Variants in ANXA3 observed in about 807,000 individuals in gnomAD.
ANXA3 encodes the protein 35-alpha calcimedin.
Under a neutral mutation model 48.8 loss-of-function variants are expected in ANXA3, and 46 were observed. That is an observed-to-expected ratio of 0.94 (90% CI 0.74 to 1.21). The LOEUF (loss-of-function observed/expected upper bound fraction) is 1.21. ANXA3 is among the 50% of genes most tolerant of loss of function. ANXA3 has a pLI of 0.00. For missense variants in ANXA3, 383 were observed against 378.6 expected (o/e 1.01, Z -0.10); for synonymous variants, 128 against 134.7 (o/e 0.95, Z 0.35).
intron 11 of ANXA3, 86 bp downstream of exon 11, chr4:78,601,654 T>G (rs1723545621): frequency 8.9e-7 from 1 of 1,123,748 alleles, no homozygotes. Flanking sequence ...TATTTAAAAA[T>G]TAGTTATTTT....
intron 7 of ANXA3, 110 bp downstream of exon 7, chr4:78,591,733 T>G: frequency 1.3e-6 from 1 of 755,646 alleles, no homozygotes; most frequent in Non-Finnish European, 2.2e-6. Flanking sequence ...ACAATTTTCC[T>G]TATGAAATGG....
intron 12 of ANXA3, among the ~76,000 whole-genome samples, 173 bp from the exon 13 acceptor site, chr4:78,609,883 C>T (rs952224620): frequency 2.6e-5 from 4 of 152,082 alleles, no homozygotes; most frequent in South Asian, 4.1e-4. Flanking sequence ...CTGGTCAGAA[C>T]GTAATTACAC....
intron 12 of ANXA3, among the ~76,000 whole-genome samples, chr4:78,604,651 T>C (rs1481321613): frequency 6.6e-6 from 1 of 152,242 alleles, no homozygotes; most frequent in Non-Finnish European, 1.5e-5. Flanking sequence ...CTTTTGTGAA[T>C]TACATATGCA....
At chr4:78,557,698 T>C (rs1397017885) in intron 2 of ANXA3, among the ~76,000 whole-genome samples, 8 of 151,292 alleles carry the variant, frequency 5.3e-5, no homozygotes, top group Non-Finnish European at 1.2e-4. Context: ...TCTTTTTTTT[T>C]TTTTTTTTTT....
intron 12 of ANXA3, among the ~76,000 whole-genome samples, chr4:78,606,740 C>G (rs1391687340): frequency 1.3e-5 from 2 of 152,142 alleles, no homozygotes; most frequent in Non-Finnish European, 2.9e-5. Flanking sequence ...AAATCTCTCT[C>G]TCTCTCTTTT....
chr4:78,586,187 GATA>G, intron 5 of ANXA3, 70 bp from the exon 6 acceptor site: 1 of 1,171,098 alleles, frequency 8.5e-7, no homozygotes, highest in Non-Finnish European at 1.3e-6. Context: ...ATATAAACAA[GATA>G]ATAAGACCAA....
chr4:78,569,043 G>A (rs1021356930), intron 2 of ANXA3, among the ~76,000 whole-genome samples: 20 of 152,330 alleles, frequency 1.3e-4, no homozygotes, highest in Admixed American at 7.2e-4. Flanking sequence ...TGCAGGAAAC[G>A]CGCTTAGCAC....
At chr4:78,560,365 A>G (rs1442100779) in intron 2 of ANXA3, among the ~76,000 whole-genome samples, 1 of 152,206 alleles carries the variant, frequency 6.6e-6, no homozygotes. Context: ...CTGAAATTAA[A>G]GAATTCCCTA....
At position 78,583,637 on chromosome 4, in the gene ANXA3, A is replaced by T. The variant is rs1723118214; in HGVS notation, c.312+1347A>T. Among the ~76,000 whole-genome samples, 4 of 151,790 alleles carry T rather than the reference A, an allele frequency of 2.6e-5. No homozygotes were observed. The South Asian group carries it at 8.3e-4, about 32-fold the overall frequency. ...AGAAAAAAAAAAAAAAAGAAGAAGA[A>T]GAAGAAGAAAGAAGAATTGGTTACA... On this transcript the variant is annotated intron_variant, in intron 5 of 12. Transcript: ENST00000264908.
intron 10 of ANXA3, among the ~76,000 whole-genome samples, chr4:78,598,776 G>A (rs1336041825): frequency 1.3e-5 from 2 of 152,104 alleles, no homozygotes; most frequent in Non-Finnish European, 2.9e-5. Flanking sequence ...CTGACCTCAA[G>A]TGATCCGCCC....
chr4:78,610,198 A>G lies in ANXA3; in HGVS notation c.*83A>G. The G allele has an allele frequency of 2.1e-6, 2 of 951,520 alleles. No individual in the cohort carries two copies. Among genetic ancestry groups the G allele is most frequent in the Non-Finnish European group, 3.2e-6 (2 of 625,480 alleles). 58.9% of individuals were successfully genotyped at this position (951,520 alleles called of 1,614,324 possible). The stretch of plus-strand genomic sequence containing the variant: ...TTCTTCTCATACTATTTAAGAGAAC[A>G]AGCAAATATAAACAGCAACTTGTGT... On this transcript the variant is annotated 3_prime_UTR_variant, in exon 13 of 13. Transcript: ENST00000264908.
intron 2 of ANXA3, 92 bp from the exon 3 acceptor site, chr4:78,573,088 A>G (rs376858661): frequency 2.1e-6 from 2 of 964,898 alleles, no homozygotes; most frequent in Admixed American, 1.7e-5. Context: ...TGGGTTTGTC[A>G]TATGCCTCTC....
chr4:78,572,612 G>A (rs1722861414), intron 2 of ANXA3, among the ~76,000 whole-genome samples: 1 of 152,042 alleles, frequency 6.6e-6, no homozygotes, highest in Non-Finnish European at 1.5e-5. Context: ...TCTAAGTGGG[G>A]GCCACCAAAG....
At chr4:78,562,519 C>T (rs747704396) in intron 2 of ANXA3, among the ~76,000 whole-genome samples, 3 of 152,112 alleles carry the variant, frequency 2.0e-5, no homozygotes, top group Non-Finnish European at 4.4e-5. Context: ...AGTCTGACAC[C>T]GGCATTTGAG....
chr4:78,570,998 T>C (rs1722831324), intron 2 of ANXA3: 1 of 152,172 alleles, frequency 6.6e-6, no homozygotes, highest in African/African-American at 2.4e-5. Flanking sequence ...GACTAATTTA[T>C]TTTCTTTCTT....
intron 2 of ANXA3, among the ~76,000 whole-genome samples, chr4:78,564,991 ATTTTT>A (rs55971305): frequency 8.5e-6 from 1 of 118,298 alleles, no homozygotes; most frequent in Non-Finnish European, 1.8e-5. Context: ...TCTGACTTAG[ATTTTT>A]TTTTTTTTTT....
intron 7 of ANXA3, among the ~76,000 whole-genome samples, chr4:78,594,201 G>C (rs926132598): frequency 1.3e-5 from 2 of 152,054 alleles, no homozygotes; most frequent in African/African-American, 2.4e-5. Context: ...TGCCTTTAAG[G>C]TTCCTCTATG....
At chr4:78,561,209 A>C (rs1262055829) in intron 2 of ANXA3, among the ~76,000 whole-genome samples, 1 of 152,160 alleles carries the variant, frequency 6.6e-6, no homozygotes, top group Non-Finnish European at 1.5e-5. Flanking sequence ...ATCTATGATC[A>C]AGTGTTCATG....
intron 8 of ANXA3, among the ~76,000 whole-genome samples, 163 bp from the exon 9 acceptor site, chr4:78,595,630 TC>T (rs1723407477): frequency 6.6e-6 from 1 of 152,108 alleles, no homozygotes. Flanking sequence ...GTTATCATTC[TC>T]CTTGGCTCCT....
Sources: gnomAD v4.1 joint callset for allele counts (sites outside exome capture counted in the v4.1 genomes callset) on GRCh38, gnomAD v4.1.1 for gene constraint, MANE v1.5 for transcripts, NCBI Gene and HGNC (gene_info 2026-07-23, HGNC 2026-07-21) for gene names.